ITPR2: variants seen among roughly 807,000 people sequenced by gnomAD.
ITPR2 encodes inositol 1,4,5-trisphosphate-gated calcium channel ITPR2.
Under a neutral mutation model 317.1 loss-of-function variants are expected in ITPR2, and 207 were observed. The ratio of observed to expected loss-of-function variants is 0.65; its 90% CI spans 0.58 to 0.73. The LOEUF (loss-of-function observed/expected upper bound fraction) is 0.73, where lower values mean the gene tolerates loss of function less well. Among genes scored for constraint, ITPR2 ranks in the 30% least tolerant of loss-of-function variants. The pLI, the probability that ITPR2 is intolerant of heterozygous loss-of-function variation, is 0.00. For missense variants in ITPR2, 2,613 were observed against 3,284.0 expected, an observed-to-expected ratio of 0.80 and a Z score of 4.99; for synonymous variants, 1,156 against 1,149.1, an observed-to-expected ratio of 1.01 and a Z score of -0.12.
chr12:26,676,322 C>T (rs1947906259), intron 13 of ITPR2, among the ~76,000 whole-genome samples: 1 of 151,610 alleles, frequency 6.6e-6, no homozygotes, highest in South Asian at 2.1e-4. Context: ...ACTAAAAATA[C>T]AAAAATTAGC....
At chr12:26,506,423 G>A (rs993748483) in intron 37 of ITPR2, among the ~76,000 whole-genome samples, 2 of 150,194 alleles carry the variant, frequency 1.3e-5, no homozygotes, top group African/African-American at 2.5e-5. Context: ...TGGGAGGATC[G>A]CTTGAGCCTG....
At chr12:26,361,006 G>T (rs1938811606) in intron 55 of ITPR2, among the ~76,000 whole-genome samples, 1 of 152,050 alleles carries the variant, frequency 6.6e-6, no homozygotes, top group South Asian at 2.1e-4. Context: ...CTGAGGTCAG[G>T]AGTTTGAGAC....
chr12:26,772,803 G>T (rs1440299091), intron 2 of ITPR2, among the ~76,000 whole-genome samples: 2 of 150,666 alleles, frequency 1.3e-5, no homozygotes, highest in African/African-American at 4.9e-5. Flanking sequence ...TTGTTATATA[G>T]GTGTACATGT....
At position 26,768,199 on chromosome 12, in the gene ITPR2, C is replaced by T. The variant is rs1377580063; in HGVS notation, c.163+21958G>A. Reference sequence around the variant, plus strand: ...ACATGGCACATACCTATGTAACAAACCTGCATATTATGCACATGTATCCCA... The same window carrying T: ...ACATGGCACATACCTATGTAACAAATCTGCATATTATGCACATGTATCCCA... On this transcript the variant is annotated intron_variant, in intron 2 of 56. Transcript: ENST00000381340. Among the ~76,000 whole-genome samples the T allele has an allele frequency of 3.3e-5, 5 of 150,462 alleles. No individual in the cohort carries two copies. The Admixed American group carries it at 3.3e-4, about 10-fold the overall frequency.
chr12:26,628,891 C>T (rs1471434002), intron 22 of ITPR2, among the ~76,000 whole-genome samples: 1 of 152,136 alleles, frequency 6.6e-6, no homozygotes, highest in African/African-American at 2.4e-5. Flanking sequence ...CTAAATACAA[C>T]AGAAATCAAA....
intron 11 of ITPR2, among the ~76,000 whole-genome samples, chr12:26,685,001 G>C (rs1948099871): frequency 6.6e-6 from 1 of 152,094 alleles, no homozygotes; most frequent in Non-Finnish European, 1.5e-5. Flanking sequence ...TCTCATGAAT[G>C]AGAATAGCCA....
chr12:26,671,466 G>A (rs1337032067), intron 13 of ITPR2, among the ~76,000 whole-genome samples: 1 of 151,976 alleles, frequency 6.6e-6, no homozygotes, highest in Non-Finnish European at 1.5e-5. Context: ...ATAAGTGAAG[G>A]AGAAATAAAA....
At chr12:26,748,447 T>C (rs1333209969) in intron 2 of ITPR2, among the ~76,000 whole-genome samples, 3 of 152,222 alleles carry the variant, frequency 2.0e-5, no homozygotes, top group Non-Finnish European at 4.4e-5. Flanking sequence ...GCAAATGTAA[T>C]TGCAATTTTT....
At chr12:26,825,742 C>A (rs928159805) in intron 1 of ITPR2, among the ~76,000 whole-genome samples, 2 of 152,090 alleles carry the variant, frequency 1.3e-5, no homozygotes, top group African/African-American at 2.4e-5. Context: ...AAATAGTCAC[C>A]CTTTCAGCTT....
At chr12:26,471,789 T>C (rs1221470105) in intron 45 of ITPR2, among the ~76,000 whole-genome samples, 1 of 152,176 alleles carries the variant, frequency 6.6e-6, no homozygotes, top group Non-Finnish European at 1.5e-5. Flanking sequence ...CAGAAACCAA[T>C]TTGCACAGTC....
chr12:26,481,872 AT>A (rs1439676307), intron 42 of ITPR2, among the ~76,000 whole-genome samples: 1 of 152,228 alleles, frequency 6.6e-6, no homozygotes, highest in Non-Finnish European at 1.5e-5. Flanking sequence ...GGGAATCTTG[AT>A]TGGGGAAAAT....
At chr12:26,783,135 C>T (rs994953507) in intron 2 of ITPR2, among the ~76,000 whole-genome samples, 2 of 152,164 alleles carry the variant, frequency 1.3e-5, no homozygotes, top group African/African-American at 4.8e-5. Flanking sequence ...CCCCCAAGTC[C>T]CTAATTACTA....
intron 54 of ITPR2, among the ~76,000 whole-genome samples, chr12:26,398,456 A>C (rs1377452447): frequency 6.6e-6 from 1 of 152,226 alleles, no homozygotes; most frequent in African/African-American, 2.4e-5. Context: ...GAGAAGGCTC[A>C]GTTCAGAATC....
At chr12:26,525,678 T>C (rs754459340) in intron 37 of ITPR2, among the ~76,000 whole-genome samples, 8 of 152,206 alleles carry the variant, frequency 5.3e-5, no homozygotes, top group Non-Finnish European at 1.0e-4. Flanking sequence ...GTATTCTAGA[T>C]GATTTGTTCA....
At chr12:26,550,004 G>A (rs1944484580) in intron 37 of ITPR2, among the ~76,000 whole-genome samples, 1 of 151,592 alleles carries the variant, frequency 6.6e-6, no homozygotes, top group Non-Finnish European at 1.5e-5. Context: ...ACAGATCCAA[G>A]AATATAATAT....
At chr12:26,734,277 G>A (rs532075318) in intron 2 of ITPR2, among the ~76,000 whole-genome samples, 108 of 152,286 alleles carry the variant, frequency 7.1e-4, no homozygotes, top group African/African-American at 2.4e-3. Context: ...CTATATTCAT[G>A]AAATTAAAAC....
At chr12:26,624,384 C>A (rs1366189869) in intron 23 of ITPR2, 28 bp from the exon 24 acceptor site, 1 of 1,523,106 alleles carries the variant, frequency 6.6e-7, no homozygotes, top group East Asian at 2.3e-5. Context: ...AAAATCTCTT[C>A]TTTATCCTAT....
chr12:26,670,670 C>T (rs1459312110), intron 13 of ITPR2, among the ~76,000 whole-genome samples: 3 of 152,146 alleles, frequency 2.0e-5, no homozygotes, highest in Non-Finnish European at 4.4e-5. Flanking sequence ...AACGCAGTTC[C>T]TCACCAGCAA....
chr12:26,728,827 T>C (rs772889085), intron 2 of ITPR2, among the ~76,000 whole-genome samples: 14 of 152,214 alleles, frequency 9.2e-5, no homozygotes, highest in Non-Finnish European at 1.6e-4. Context: ...ATTATTGATA[T>C]TGCTTCATTC....
Sources: gnomAD v4.1 joint callset for allele counts (sites outside exome capture counted in the v4.1 genomes callset) on GRCh38, gnomAD v4.1.1 for gene constraint, MANE v1.5 for transcripts, NCBI Gene and HGNC (gene_info 2026-07-23, HGNC 2026-07-21) for gene names.